Variants in SLC47A2 observed in about 807,000 individuals in gnomAD.
The protein encoded by SLC47A2 is multidrug and toxin extrusion protein 2.
In SLC47A2, 52 loss-of-function variants were observed where a neutral mutation model predicts 67.7. The ratio of observed to expected loss-of-function variants is 0.77; its 90% confidence interval spans 0.61 to 0.97. The LOEUF is 0.97. Ranked by LOEUF, SLC47A2 falls within the 50% of genes least tolerant of loss-of-function variation. The pLI is 0.00. For synonymous variants in SLC47A2, 278 were observed against 292.9 expected (o/e 0.95, Z 0.52); for missense variants, 676 against 712.3 (o/e 0.95, Z 0.58).
chr17:19,702,752 C>A, intron 12 of SLC47A2, 78 bp from the exon 13 acceptor site: 1 of 1,472,214 alleles, frequency 6.8e-7, no homozygotes, highest in African/African-American at 1.4e-5. Flanking sequence ...TTCCACACCC[C>A]ACCCCCACAA....
chr17:19,691,954 G>C (rs1051483346), intron 13 of SLC47A2, among the ~76,000 whole-genome samples: 2 of 152,104 alleles, frequency 1.3e-5, no homozygotes. Flanking sequence ...AAATTGGCTG[G>C]CGCAGTGGCT....
At chr17:19,682,283 A>C (rs1042812092) in intron 13 of SLC47A2, among the ~76,000 whole-genome samples, 1 of 151,576 alleles carries the variant, frequency 6.6e-6, no homozygotes, top group Non-Finnish European at 1.5e-5. Context: ...GCTTGAACCT[A>C]GGATGCACCA....
At chr17:19,687,272 A>G (rs559187640) in intron 13 of SLC47A2, among the ~76,000 whole-genome samples, 5 of 152,190 alleles carry the variant, frequency 3.3e-5, no homozygotes, top group African/African-American at 1.2e-4. Flanking sequence ...ATCAAAACGT[A>G]TGTCATACAA....
chr17:19,712,841 C>T, intron 4 of SLC47A2, 96 bp from the exon 5 acceptor site: 2 of 1,205,852 alleles, frequency 1.7e-6, no homozygotes, highest in Non-Finnish European at 2.4e-6. Context: ...TGCTCGGCCG[C>T]TGTCCCAGGG....
At chr17:19,693,196 C>T (rs968189155) in intron 13 of SLC47A2, among the ~76,000 whole-genome samples, 1 of 152,020 alleles carries the variant, frequency 6.6e-6, no homozygotes, top group Non-Finnish European at 1.5e-5. Flanking sequence ...TACAAAACAG[C>T]ATATTAATAA....
At chr17:19,694,787 A>G (rs1174551939) in intron 13 of SLC47A2, among the ~76,000 whole-genome samples, 2 of 151,952 alleles carry the variant, frequency 1.3e-5, no homozygotes, top group Non-Finnish European at 2.9e-5. Flanking sequence ...GAGGTGGCAC[A>G]CACCTGTAGT....
intron 13 of SLC47A2, among the ~76,000 whole-genome samples, chr17:19,691,456 A>G (rs1056232707): frequency 2.0e-5 from 3 of 152,216 alleles, no homozygotes; most frequent in Admixed American, 6.5e-5. Flanking sequence ...AACAACATGC[A>G]TGGACCTGGA....
intron 13 of SLC47A2, among the ~76,000 whole-genome samples, chr17:19,683,762 A>G (rs1384524212): frequency 6.6e-6 from 1 of 152,230 alleles, no homozygotes; most frequent in African/African-American, 2.4e-5. Context: ...TCAGCAGAGA[A>G]TGGAAGCTTT....
chr17:19,702,766 A>G (rs561275621), intron 12 of SLC47A2, 92 bp from the exon 13 acceptor site: 4 of 1,399,232 alleles, frequency 2.9e-6, no homozygotes, highest in African/African-American at 2.8e-5. Flanking sequence ...CCCACAAGAA[A>G]AAGCTTTGGA....
intron 5 of SLC47A2, among the ~76,000 whole-genome samples, chr17:19,710,460 C>CT (rs67349160): frequency 0.68 from 101,549 of 149,622 alleles, 34,624 homozygotes; most frequent in East Asian, 0.95. Context: ...TGGGTTAAGT[C>CT]TTTTTTTTTT....
intron 7 of SLC47A2, 81 bp from the exon 8 acceptor site, chr17:19,707,924 G>T: frequency 7.4e-7 from 1 of 1,348,682 alleles, no homozygotes; most frequent in South Asian, 1.3e-5. Context: ...TGGCTCTGGC[G>T]GCCAGCCCGT....
chr17:19,681,250 T>G, intron 15 of SLC47A2, 117 bp downstream of exon 15: 1 of 795,830 alleles, frequency 1.3e-6, no homozygotes, highest in Non-Finnish European at 2.0e-6. Context: ...ACCTGCAGCT[T>G]ATACCACACT....
chr17:19,690,857 G>A (rs1275797138), intron 13 of SLC47A2, among the ~76,000 whole-genome samples: 1 of 151,864 alleles, frequency 6.6e-6, no homozygotes, highest in Non-Finnish European at 1.5e-5. Context: ...GGTGGCTCAC[G>A]GCCTGTAATC....
Position 19,714,542 on chromosome 17 carries a change from G to C in SLC47A2, c.294+179C>G, listed in dbSNP as rs1369606441. On this transcript the variant is annotated intron_variant, in intron 3 of 16. Transcript: ENST00000433844. The stretch of plus-strand genomic sequence containing the variant: ...CTCCTGGCCCAGACTCTTTCAAAGG[G>C]GAGGGTCTGTTTCCCTGACAGCCTG... 5 of 704,614 alleles carry C rather than the reference G, an allele frequency of 7.1e-6. No homozygotes were observed. In the East Asian group the frequency reaches 1.2e-4, roughly 18 times the overall value. The allele number at this position is 704,614 out of a possible 1,614,324, so 43.6% of individuals were successfully genotyped here. A position where few individuals can be genotyped will look rare whatever the true frequency, so the allele number is the denominator to read the frequency against.
intron 15 of SLC47A2, 47 bp from the exon 16 acceptor site, chr17:19,680,086 TC>T (rs1375251099): frequency 1.9e-6 from 3 of 1,567,448 alleles, no homozygotes; most frequent in South Asian, 2.3e-5. Context: ...GCTCAACAGT[TC>T]ACCCCTTCAC....
chr17:19,687,236 G>A (rs1417879808), intron 13 of SLC47A2, among the ~76,000 whole-genome samples: 1 of 152,118 alleles, frequency 6.6e-6, no homozygotes, highest in African/African-American at 2.4e-5. Flanking sequence ...AAAATTTCTT[G>A]AAACAAATGA....
intron 8 of SLC47A2, among the ~76,000 whole-genome samples, chr17:19,707,327 C>T (rs1165299098): frequency 1.3e-5 from 2 of 152,222 alleles, no homozygotes; most frequent in Non-Finnish European, 2.9e-5. Flanking sequence ...CCTGCTGTTT[C>T]AGCAAATTAC....
Position 19,706,716 on chromosome 17 carries a change from A to G in SLC47A2, c.773T>C (p.Leu258Pro). ...CLQDWGPFFS[L>P]AVPSMLMICV... ...GATCATGAGCATGCTGGGGACAGCCAGGGAGAAGAAGGGGCCCCAGTCCTG... is the reference window on the plus strand; with the variant it reads ...GATCATGAGCATGCTGGGGACAGCCGGGGAGAAGAAGGGGCCCCAGTCCTG... The change falls in exon 9 of 17, where the codon CTG (leucine) becomes CCG (proline). Residue 258 changes from leucine to proline, a missense_variant. Coordinates refer to ENST00000433844, the MANE Select transcript of SLC47A2 (RefSeq NM_001099646.3). 3 of 1,611,294 alleles carry G rather than the reference A, an allele frequency of 1.9e-6. No individual in the cohort carries two copies. The highest frequency in any genetic ancestry group is 1.7e-6 in the Non-Finnish European group (2 of 1,179,266).
chr17:19,681,496 G>A (rs754650144), intron 14 of SLC47A2, 35 bp from the exon 15 acceptor site: 22 of 1,614,118 alleles, frequency 1.4e-5, no homozygotes, highest in East Asian at 6.7e-5. Context: ...AACAATGTCC[G>A]ACGACCACCC....
Sources: gnomAD v4.1 joint callset for allele counts (sites outside exome capture counted in the v4.1 genomes callset) on GRCh38, gnomAD v4.1.1 for gene constraint, MANE v1.5 for transcripts, NCBI Gene and HGNC (gene_info 2026-07-23, HGNC 2026-07-21) for gene names.